The following PTCHD4 variants were observed in gnomAD, a reference collection of about 807,000 sequenced individuals.
The protein encoded by PTCHD4 is patched domain containing 4, also known as patched domain-containing protein 4.
PTCHD4 carries 33 observed loss-of-function variants against 58.1 expected under a neutral mutation model. That is an observed-to-expected ratio of 0.57 (90% CI 0.43 to 0.76). The LOEUF (loss-of-function observed/expected upper bound fraction) is 0.76. PTCHD4 is among the 30% of genes least tolerant of loss of function. The pLI, the probability that PTCHD4 is intolerant of heterozygous loss-of-function variation, is 0.00. For missense variants in PTCHD4, 1,058 were observed against 1,027.1 expected (o/e 1.03, Z -0.41); for synonymous variants, 478 against 409.6 (o/e 1.17, Z -2.02).
At chr6:47,929,375 C>A (rs1436985123) in intron 4 of PTCHD4, among the ~76,000 whole-genome samples, 1 of 152,078 alleles carries the variant, frequency 6.6e-6, no homozygotes, top group Non-Finnish European at 1.5e-5. Context: ...TATTTTTTAA[C>A]CTTTACACTG....
chr6:48,025,856 C>T (rs1763224778), intron 3 of PTCHD4, among the ~76,000 whole-genome samples: 1 of 152,220 alleles, frequency 6.6e-6, no homozygotes, highest in South Asian at 2.1e-4. Context: ...CAAGAAAATA[C>T]TGAGAGAGGT....
chr6:47,991,813 C>A (rs1768289838), intron 4 of PTCHD4, among the ~76,000 whole-genome samples: 1 of 151,490 alleles, frequency 6.6e-6, no homozygotes, highest in African/African-American at 2.4e-5. Context: ...AAATCAAAAT[C>A]AAAACTTTTA....
intron 4 of PTCHD4, among the ~76,000 whole-genome samples, chr6:48,001,350 C>T (rs540579607): frequency 1.8e-4 from 27 of 152,262 alleles, no homozygotes; most frequent in African/African-American, 4.6e-4. Flanking sequence ...TACCTGACTT[C>T]GAACTATATA....
In PTCHD4 at chr6:47,879,014, C is replaced by G; in HGVS notation, c.1821G>C (p.Leu607=). The G allele has an allele frequency of 6.2e-7, 1 of 1,613,434 alleles. No individual in the cohort carries two copies. Among genetic ancestry groups the G allele is most frequent in the Non-Finnish European group, 8.5e-7 (1 of 1,179,750 alleles). The change falls in exon 5 of 5, where the codon CTG becomes CTC. Residue 607 remains leucine, a synonymous_variant. Transcript: ENST00000339488. The part of the protein sequence containing the change: ...ESNIIASRLY[L]VARTSRDKQK... ...GCTTGTCTCTGCTAGTCCTGGCCAC[C>G]AGATACAAGCGAGAAGCAATGATAT...
At chr6:48,070,642 T>C (rs979715367) in intron 1 of PTCHD4, among the ~76,000 whole-genome samples, 2 of 152,236 alleles carry the variant, frequency 1.3e-5, no homozygotes, top group East Asian at 3.8e-4. Context: ...TGCTACAACA[T>C]TCCCAAATTC....
chr6:47,894,518 A>G (rs1480652420), intron 4 of PTCHD4, among the ~76,000 whole-genome samples: 4 of 152,206 alleles, frequency 2.6e-5, no homozygotes, highest in African/African-American at 9.7e-5. Flanking sequence ...GCAAACTCCT[A>G]TCTTACTGTG....
At chr6:47,895,736 T>C (rs1383293637) in intron 4 of PTCHD4, among the ~76,000 whole-genome samples, 1 of 152,062 alleles carries the variant, frequency 6.6e-6, no homozygotes, top group African/African-American at 2.4e-5. Flanking sequence ...TTGGAATTCA[T>C]CATCTTAAAT....
At chr6:48,041,262 A>T (rs965578550) in intron 3 of PTCHD4, among the ~76,000 whole-genome samples, 4 of 152,060 alleles carry the variant, frequency 2.6e-5, no homozygotes, top group Non-Finnish European at 5.9e-5. Flanking sequence ...CACCTCTTGT[A>T]GTTTCTGACC....
chr6:47,864,273 G>A lies in PTCHD4; in HGVS notation c.*14030C>T, dbSNP rs148017169. ...TGATACATGCTTAAGTGGGAGAATC[G>A]CTGCTCTATAAATGGAGCCCATTAT... On this transcript the variant is annotated 3_prime_UTR_variant, in exon 5 of 5. Transcript: ENST00000339488. Among the ~76,000 whole-genome samples, 251 of 151,088 alleles carry A rather than the reference G, an allele frequency of 1.7e-3. 1 individual carries two copies. The highest frequency in any genetic ancestry group is 5.7e-3 in the African/African-American group (235 of 41,236).
At chr6:47,973,080 C>T (rs1424377228) in intron 4 of PTCHD4, among the ~76,000 whole-genome samples, 5 of 152,160 alleles carry the variant, frequency 3.3e-5, no homozygotes, top group Middle Eastern at 3.4e-3. Flanking sequence ...CATTATATTT[C>T]TTATTCCTAT....
At chr6:48,100,720 C>T (rs574352844) in intron 1 of PTCHD4, among the ~76,000 whole-genome samples, 1 of 152,278 alleles carries the variant, frequency 6.6e-6, no homozygotes, top group Non-Finnish European at 1.5e-5. Flanking sequence ...GATATTCTGT[C>T]GACACGGAGG....
chr6:47,914,791 T>TCTA (rs1289835789), intron 4 of PTCHD4, among the ~76,000 whole-genome samples: 1 of 151,094 alleles, frequency 6.6e-6, no homozygotes, highest in African/African-American at 2.4e-5. Context: ...TATCTATCTA[T>TCTA]ATTTGTACCA....
At chr6:47,882,904 C>A (rs1764064817) in intron 4 of PTCHD4, among the ~76,000 whole-genome samples, 1 of 151,282 alleles carries the variant, frequency 6.6e-6, no homozygotes. Flanking sequence ...TGCATTTTAT[C>A]TTACTTTTAT....
At chr6:48,002,718 C>T (rs986639993) in intron 4 of PTCHD4, among the ~76,000 whole-genome samples, 22 of 151,658 alleles carry the variant, frequency 1.5e-4, no homozygotes, top group African/African-American at 5.3e-4. Flanking sequence ...ATGTAACAAA[C>T]CTGCACATTG....
Position 47,923,785 on chromosome 6 carries a change from G to T in PTCHD4, c.899-43849C>A, listed in dbSNP as rs538678196. On this transcript the variant is annotated intron_variant, in intron 4 of 4. Coordinates refer to ENST00000339488, the MANE Select transcript of PTCHD4 (RefSeq NM_001384253.1). Reference sequence around the variant, plus strand: ...CATAAAAATGAGTTTGAACATGTAAGAATGCTTAGTTGCATAGGTTAAATA... The same window carrying T: ...CATAAAAATGAGTTTGAACATGTAATAATGCTTAGTTGCATAGGTTAAATA... 4.9e-4 allele frequency among the ~76,000 whole-genome samples: 75 copies of T among 152,338 alleles called. 1 individual carries two copies. The South Asian group carries it at 0.014, about 29-fold the overall frequency.
chr6:47,921,553 G>A (rs943032295), intron 4 of PTCHD4, among the ~76,000 whole-genome samples: 5 of 152,082 alleles, frequency 3.3e-5, no homozygotes, highest in African/African-American at 1.2e-4. Flanking sequence ...AGACAATGCC[G>A]TATTAGTTGA....
chr6:47,862,131 T>A lies in PTCHD4; in HGVS notation c.*16172A>T, dbSNP rs983640305. Among the ~76,000 whole-genome samples the A allele has an allele frequency of 1.3e-5, 2 of 151,870 alleles. No individual in the cohort carries two copies. Among genetic ancestry groups the A allele is most frequent in the African/African-American group, 4.8e-5 (2 of 41,404 alleles). ...ATATTGTGTGTAACTCTGATTGGAG[T>A]TTCAGCACTTCTTTATTGTATAGGT... On this transcript the variant is annotated 3_prime_UTR_variant, in exon 5 of 5. Coordinates refer to ENST00000339488, the MANE Select transcript of PTCHD4 (RefSeq NM_001384253.1).
At position 48,059,298 on chromosome 6, in the gene PTCHD4, C is replaced by T. The variant is rs1764531415; in HGVS notation, c.417+8932G>A. 2.0e-5 allele frequency among the ~76,000 whole-genome samples: 3 copies of T among 152,236 alleles called. 1 individual carries two copies. In the South Asian group the frequency reaches 6.2e-4, roughly 32 times the overall value. The stretch of plus-strand genomic sequence containing the variant: ...TAAGGTATTATGAGCTGATTTAATA[C>T]ACTCAATACTGTAAGGTAAGGGCTA... On this transcript the variant is annotated intron_variant, in intron 3 of 4. Transcript: ENST00000339488.
At chr6:47,988,517 C>A (rs952737189) in intron 4 of PTCHD4, among the ~76,000 whole-genome samples, 4 of 152,108 alleles carry the variant, frequency 2.6e-5, no homozygotes, top group African/African-American at 9.7e-5. Flanking sequence ...TCTGTCCCCA[C>A]CCAAATCTCA....
Sources: gnomAD v4.1 joint callset for allele counts (sites outside exome capture counted in the v4.1 genomes callset) on GRCh38, gnomAD v4.1.1 for gene constraint, MANE v1.5 for transcripts, NCBI Gene and HGNC (gene_info 2026-07-23, HGNC 2026-07-21) for gene names.